The following COBLL1 variants were observed in gnomAD, a reference collection of about 807,000 sequenced individuals.
The protein encoded by COBLL1 is cordon-bleu protein-like 1.
In COBLL1, 50 loss-of-function variants were observed where a neutral mutation model predicts 94.8. The observed-to-expected ratio is 0.53, with a 90% confidence interval of 0.42 to 0.67. The LOEUF (loss-of-function observed/expected upper bound fraction) is 0.67, where lower values mean the gene tolerates loss of function less well. COBLL1 is among the 30% of genes least tolerant of loss of function. The pLI is 0.00. For synonymous variants in COBLL1, 448 were observed against 473.8 expected, an observed-to-expected ratio of 0.95 and a Z score of 0.71; for missense variants, 1,362 against 1,348.7, an observed-to-expected ratio of 1.01 and a Z score of -0.15.
At chr2:164,742,097 G>C (rs983655511) in intron 3 of COBLL1, among the ~76,000 whole-genome samples, 1 of 152,060 alleles carries the variant, frequency 6.6e-6, no homozygotes, top group Non-Finnish European at 1.5e-5. Context: ...TTAACTCGGG[G>C]TGGCATGTGG....
chr2:164,659,910 G>A (rs1408345749), intron 2 of COBLL1, among the ~76,000 whole-genome samples: 1 of 152,130 alleles, frequency 6.6e-6, no homozygotes, highest in East Asian at 1.9e-4. Flanking sequence ...GAGAAACAAA[G>A]CAATGAGCTA....
chr2:164,777,331 T>TATAC (rs112644375), intron 2 of COBLL1, among the ~76,000 whole-genome samples: 3 of 149,072 alleles, frequency 2.0e-5, no homozygotes, highest in Non-Finnish European at 4.5e-5. Flanking sequence ...AATCATGAGT[T>TATAC]ACACACACAC....
chr2:164,749,047 G>A (rs1687004161), intron 2 of COBLL1, among the ~76,000 whole-genome samples: 1 of 152,088 alleles, frequency 6.6e-6, no homozygotes, highest in South Asian at 2.1e-4. Context: ...CCAAAATCAT[G>A]TGCCCACTGT....
At chr2:164,826,896 GTT>G (rs11307250) in intron 2 of COBLL1, among the ~76,000 whole-genome samples, 22 of 122,058 alleles carry the variant, frequency 1.8e-4, no homozygotes, top group African/African-American at 5.3e-4. Flanking sequence ...TCTTTGTTTC[GTT>G]TTTTTTTTTG....
At chr2:164,759,631 C>A (rs1351257602) in intron 2 of COBLL1, among the ~76,000 whole-genome samples, 1 of 152,002 alleles carries the variant, frequency 6.6e-6, no homozygotes, top group East Asian at 1.9e-4. Flanking sequence ...AAAACGCAAG[C>A]CACAGACTGG....
chr2:164,805,315 CTCTCTCTCTCTCTCTCTCTCTCTA>C lies in COBLL1; in HGVS notation c.41+35817_41+35840del, dbSNP rs1479209965. 5.4e-3 allele frequency among the ~76,000 whole-genome samples: 197 copies of C among 36,762 alleles called. 21 individuals carry two copies. Among genetic ancestry groups the C allele is most frequent in the African/African-American group, 0.019 (181 of 9,396 alleles). 24.1% of individuals were successfully genotyped at this position (36,762 alleles called of 152,430 possible). A position where few individuals can be genotyped will look rare whatever the true frequency, so the allele number is the denominator to read the frequency against. On this transcript the variant is annotated intron_variant, in intron 2 of 13. Coordinates refer to ENST00000652658, the MANE Select transcript of COBLL1 (RefSeq NM_001365672.2). ...TCTCTCTCTCTCTCTCTCTCTCTCT[CTCTCTCTCTCTCTCTCTCTCTCTA>C]TATATATATATATATATATATATAA... is the stretch of plus-strand genomic sequence containing the variant.
chr2:164,730,285 T>C (rs758836760), intron 3 of COBLL1, among the ~76,000 whole-genome samples, 170 bp from the exon 4 acceptor site: 1 of 150,806 alleles, frequency 6.6e-6, no homozygotes, highest in Non-Finnish European at 1.5e-5. Flanking sequence ...AGCCCAGGAG[T>C]TGGAGACCAG....
intron 9 of COBLL1, chr2:164,703,263 A>T (rs138565052): frequency 7.6e-7 from 1 of 1,321,882 alleles, no homozygotes; most frequent in Non-Finnish European, 1.1e-6. Context: ...CTTAGACAAC[A>T]GAGTTAAGGC....
chr2:164,753,854 G>A (rs1036037827), intron 2 of COBLL1, among the ~76,000 whole-genome samples: 3 of 151,364 alleles, frequency 2.0e-5, no homozygotes, highest in East Asian at 3.9e-4. Context: ...CAATTCTCGT[G>A]CCTCAGCCTC....
chr2:164,662,303 T>C (rs187692261), intron 2 of COBLL1, among the ~76,000 whole-genome samples: 14 of 152,252 alleles, frequency 9.2e-5, no homozygotes, highest in African/African-American at 3.4e-4. Context: ...TCAGCCTTGC[T>C]TAGTAAAGCA....
intron 2 of COBLL1, among the ~76,000 whole-genome samples, chr2:164,748,064 G>A (rs999491906): frequency 6.6e-6 from 1 of 152,136 alleles, no homozygotes; most frequent in African/African-American, 2.4e-5. Context: ...ATGCTTCAAA[G>A]AGAAAAGACA....
chr2:164,779,664 G>C, intron 2 of COBLL1: 1 of 470,914 alleles, frequency 2.1e-6, no homozygotes, highest in Non-Finnish European at 4.4e-6. Context: ...CCTTACGGCA[G>C]GGATATTCTC....
At position 164,710,824 on chromosome 2, in the gene COBLL1, A is replaced by G. The variant is rs147997410; in HGVS notation, c.997-5719T>C. On this transcript the variant is annotated intron_variant, in intron 7 of 13. Transcript: ENST00000652658. ...GTGATCCACCTGCCTCGGCCTCCCA[A>G]AGTGCTGAGATTATACGCGTGAGCC... Among the ~76,000 whole-genome samples the G allele has an allele frequency of 6.4e-3, 971 of 151,854 alleles. 4 individuals are homozygous for G. The highest frequency in any genetic ancestry group is 0.021 in the Middle Eastern group (6 of 290).
intron 2 of COBLL1, among the ~76,000 whole-genome samples, chr2:164,799,836 A>G (rs1683669386): frequency 6.6e-6 from 1 of 152,230 alleles, no homozygotes; most frequent in African/African-American, 2.4e-5. Context: ...AAGGCAATTC[A>G]TTAGAGAAAG....
chr2:164,666,895 G>A (rs1291407608), intron 1 of COBLL1, among the ~76,000 whole-genome samples: 1 of 151,986 alleles, frequency 6.6e-6, no homozygotes, highest in Non-Finnish European at 1.5e-5. Flanking sequence ...CATCCATGAG[G>A]GTTGGAATCA....
intron 2 of COBLL1, among the ~76,000 whole-genome samples, chr2:164,839,702 T>G (rs1683493169): frequency 6.6e-6 from 1 of 152,198 alleles, no homozygotes; most frequent in African/African-American, 2.4e-5. Context: ...CATTTCGGTA[T>G]CCTGACAGCT....
At chr2:164,805,364 A>ATTTATATATATATATATATATAT (rs1253271541) in intron 2 of COBLL1, among the ~76,000 whole-genome samples, 2 of 41,066 alleles carry the variant, frequency 4.9e-5, no homozygotes, top group Non-Finnish European at 8.8e-5. Context: ...TATATATATA[A>ATTTATATATATATATATATATAT]AACTAAAGTT....
In COBLL1 at chr2:164,781,849, A is replaced by G. The variant is rs564909425; in HGVS notation, c.42-37974T>C. On this transcript the variant is annotated intron_variant, in intron 2 of 13. Coordinates refer to ENST00000652658, the MANE Select transcript of COBLL1 (RefSeq NM_001365672.2). The stretch of plus-strand genomic sequence containing the variant: ...CAATAAAGTAGATCTATTTTCAACA[A>G]ATCTCAAAAGTATAACAAGGTATTC... 7.2e-5 allele frequency among the ~76,000 whole-genome samples: 11 copies of G among 152,318 alleles called. No individual in the cohort carries two copies. The South Asian group carries it at 2.1e-3, about 29-fold the overall frequency.
At chr2:164,825,956 G>A (rs915344071) in intron 2 of COBLL1, among the ~76,000 whole-genome samples, 2 of 152,130 alleles carry the variant, frequency 1.3e-5, no homozygotes, top group Admixed American at 6.5e-5. Context: ...TTTAATCCAT[G>A]TGTAAAAAAA....
Sources: gnomAD v4.1 joint callset for allele counts (sites outside exome capture counted in the v4.1 genomes callset) on GRCh38, gnomAD v4.1.1 for gene constraint, MANE v1.5 for transcripts, NCBI Gene and HGNC (gene_info 2026-07-23, HGNC 2026-07-21) for gene names.